Variants in ERO1B observed in about 807,000 individuals in gnomAD.
ERO1B encodes endoplasmic reticulum oxidoreductase 1 beta.
ERO1B carries 49 observed loss-of-function variants against 75.3 expected under a neutral mutation model. That is an observed-to-expected ratio of 0.65 (90% CI 0.52 to 0.83). The LOEUF (loss-of-function observed/expected upper bound fraction) is 0.83. ERO1B is among the 40% of genes least tolerant of loss of function. The pLI is 0.00. For missense variants in ERO1B, 512 were observed against 560.1 expected (o/e 0.91, Z 0.87); for synonymous variants, 191 against 192.9 (o/e 0.99, Z 0.08).
intron 5 of ERO1B, among the ~76,000 whole-genome samples, chr1:236,248,462 T>C (rs1726648): frequency 0.25 from 37,606 of 151,982 alleles, 4,813 homozygotes; most frequent in East Asian, 0.38. Context: ...ATGCTCAAGG[T>C]GGCATGTTTG....
rs1252884107 is a variant in ERO1B at position 236,232,770 on chromosome 1, T to C, written c.685+58A>G. 3.9e-6 allele frequency: 6 copies of C among 1,533,626 alleles called. No homozygotes were observed. The African/African-American group carries it at 4.2e-5, about 11-fold the overall frequency. ...ATTCCATAAAGGAAAAATCAAATTC[T>C]GATTGTTACAAAAAATTTCCTCCAC... On this transcript the variant is annotated intron_variant, in intron 9 of 15. Coordinates refer to ENST00000354619, the MANE Select transcript of ERO1B (RefSeq NM_019891.4).
chr1:236,258,147 AGC>A (rs368014943), intron 2 of ERO1B, among the ~76,000 whole-genome samples: 15 of 82,454 alleles, frequency 1.8e-4, no homozygotes, highest in Admixed American at 1.4e-4. Context: ...AGAAAAACAA[AGC>A]AAAAAAAAAA....
chr1:236,226,233 G>C, intron 12 of ERO1B, 36 bp downstream of exon 12: 1 of 1,604,470 alleles, frequency 6.2e-7, no homozygotes, highest in Non-Finnish European at 8.5e-7. Flanking sequence ...TGAATACAGA[G>C]AGGAGAATTT....
intron 8 of ERO1B, among the ~76,000 whole-genome samples, chr1:236,233,586 C>T (rs1190089698): frequency 6.7e-6 from 1 of 149,526 alleles, no homozygotes; most frequent in African/African-American, 2.5e-5. Context: ...TGACAGAGTG[C>T]GACTCTGTCT....
intron 4 of ERO1B, among the ~76,000 whole-genome samples, chr1:236,250,549 C>A (rs1177254698): frequency 1.8e-5 from 2 of 109,774 alleles, no homozygotes; most frequent in Non-Finnish European, 3.9e-5. Context: ...GAAAAAACAA[C>A]CCTCTTGGGA....
Position 236,281,579 on chromosome 1 carries a change from G to GGCCCGGCCCTGCCCGGCCCT in ERO1B, c.102+83_102+102dup, listed in dbSNP as rs11281666. ...GCTCGCCAGAAATCACCTCTTTTCT[G>GGCCCGGCCCTGCCCGGCCCT]GCCCGGCCCTGCCCGGCCCTCCCCG... is the stretch of plus-strand genomic sequence containing the variant. On this transcript the variant is annotated intron_variant, in intron 1 of 15. Coordinates refer to ENST00000354619, the MANE Select transcript of ERO1B (RefSeq NM_019891.4). The GGCCCGGCCCTGCCCGGCCCT allele has an allele frequency of 2.1e-4, 131 of 618,938 alleles. 2 individuals carry two copies. Among genetic ancestry groups the GGCCCGGCCCTGCCCGGCCCT allele is most frequent in the Middle Eastern group, 1.4e-3 (3 of 2,114 alleles). 38.3% of individuals were successfully genotyped at this position (618,938 alleles called of 1,614,324 possible).
rs1665042667 is a variant in ERO1B at position 236,252,092 on chromosome 1, C to T, written c.307-1G>A. On this transcript the variant is annotated splice_acceptor_variant, in intron 3 of 15. Transcript: ENST00000354619. LOFTEE classifies it high-confidence loss of function. ...CTTTTATTCCAACCGGAATTTTACT[C>T]TTAAAAAAACAAGAAAAGCAAAAAA... The T allele has an allele frequency of 6.3e-7, 1 of 1,594,752 alleles. No homozygotes were observed. Among genetic ancestry groups the T allele is most frequent in the Admixed American group, 1.7e-5 (1 of 57,376 alleles).
intron 2 of ERO1B, among the ~76,000 whole-genome samples, chr1:236,256,144 A>G (rs902710441): frequency 7.2e-5 from 11 of 152,172 alleles, no homozygotes; most frequent in African/African-American, 2.7e-4. Flanking sequence ...AAAAGGTTGG[A>G]GGCCTCTGCC....
chr1:236,230,383 G>A (rs1664375605), intron 9 of ERO1B, 133 bp from the exon 10 acceptor site: 2 of 659,528 alleles, frequency 3.0e-6, no homozygotes, highest in South Asian at 1.8e-5. Flanking sequence ...AGGCCGAGGT[G>A]GGCTGATCAC....
intron 2 of ERO1B, among the ~76,000 whole-genome samples, chr1:236,269,302 T>C (rs1184116521): frequency 1.3e-5 from 2 of 152,246 alleles, no homozygotes; most frequent in Non-Finnish European, 2.9e-5. Flanking sequence ...AACACTGTTC[T>C]TTTGAATATT....
At chr1:236,254,377 A>G (rs1211748317) in intron 2 of ERO1B, among the ~76,000 whole-genome samples, 3 of 152,044 alleles carry the variant, frequency 2.0e-5, no homozygotes, top group Non-Finnish European at 4.4e-5. Context: ...TTCTACTTCT[A>G]TGTCCATACA....
At chr1:236,269,797 G>C in intron 2 of ERO1B, 78 bp downstream of exon 2, 6 of 1,211,042 alleles carry the variant, frequency 5.0e-6, no homozygotes, top group South Asian at 4.1e-5. Flanking sequence ...GAGAGGAACT[G>C]AAATGGGCTT....
chr1:236,249,103 G>A (rs1386067726), intron 5 of ERO1B, among the ~76,000 whole-genome samples: 1 of 148,330 alleles, frequency 6.7e-6, no homozygotes, highest in Admixed American at 6.8e-5. Context: ...TCAGCTCACT[G>A]CAACCTCCGC....
intron 2 of ERO1B, among the ~76,000 whole-genome samples, chr1:236,266,762 A>G (rs1315270086): frequency 6.6e-6 from 1 of 152,202 alleles, no homozygotes; most frequent in African/African-American, 2.4e-5. Flanking sequence ...CTGACAGAAC[A>G]AAAAGAGGCA....
At chr1:236,246,334 A>AT (rs879791349) in intron 5 of ERO1B, among the ~76,000 whole-genome samples, 32 of 148,198 alleles carry the variant, frequency 2.2e-4, no homozygotes, top group South Asian at 4.3e-4. Context: ...GCACCTGGCT[A>AT]TTTTTTTTTT....
At position 236,236,387 on chromosome 1, in the gene ERO1B, G is replaced by A. The variant is rs1330616382; in HGVS notation, c.517C>T (p.Pro173Ser). The A allele has an allele frequency of 3.7e-6, 6 of 1,613,428 alleles. No homozygotes were observed. In the African/African-American group the frequency reaches 8.0e-5, roughly 22 times the overall value. ...HFCELDDERS[P>S]AAQYVDLLLN... ...AATAGGTCTACATACTGAGCAGCTG[G>A]AGATCTCTCATCTGAACAAGAAAAA... The change falls in exon 7 of 16, where the codon CCA (proline) becomes TCA (serine). Residue 173 changes from proline to serine, a missense_variant. Transcript: ENST00000354619.
chr1:236,239,072 C>T (rs1257717107), intron 6 of ERO1B, among the ~76,000 whole-genome samples: 1 of 152,126 alleles, frequency 6.6e-6, no homozygotes, highest in Non-Finnish European at 1.5e-5. Flanking sequence ...AGGTGCTCAC[C>T]ACGACACACA....
At chr1:236,274,700 A>G (rs557149622) in intron 1 of ERO1B, among the ~76,000 whole-genome samples, 56 of 152,104 alleles carry the variant, frequency 3.7e-4, no homozygotes, top group Non-Finnish European at 5.6e-4. Context: ...GAGGCCCAAC[A>G]TAAGATTTGC....
In ERO1B at chr1:236,229,467, T is replaced by C. The variant is rs368850905; in HGVS notation, c.712+757A>G. 3.1e-4 allele frequency among the ~76,000 whole-genome samples: 47 copies of C among 152,064 alleles called. No homozygotes were observed. In the Middle Eastern group the frequency reaches 0.01, roughly 33 times the overall value. On this transcript the variant is annotated intron_variant, in intron 10 of 15. Transcript: ENST00000354619. ...AATATTCATAAGATAACATGACCAA[T>C]TGACATGCATAAAATAGAATTAGTT...
Sources: gnomAD v4.1 joint callset for allele counts (sites outside exome capture counted in the v4.1 genomes callset) on GRCh38, gnomAD v4.1.1 for gene constraint, MANE v1.5 for transcripts, NCBI Gene and HGNC (gene_info 2026-07-23, HGNC 2026-07-21) for gene names.